The following PACS1 variants were observed in gnomAD, a reference collection of about 807,000 sequenced individuals.
The protein encoded by PACS1 is phosphofurin acidic cluster sorting protein 1.
PACS1 carries 24 observed loss-of-function variants against 115.0 expected under a neutral mutation model. That is an observed-to-expected ratio of 0.21 (90% CI 0.15 to 0.29). The LOEUF is 0.29. Ranked by LOEUF, PACS1 falls within the 10% of genes least tolerant of loss-of-function variation. The pLI, the probability that PACS1 is intolerant of heterozygous loss-of-function variation, is 1.00. For missense variants in PACS1, 838 were observed against 1,251.2 expected (o/e 0.67, Z 4.98); for synonymous variants, 453 against 504.5 (o/e 0.90, Z 1.37).
intron 1 of PACS1, among the ~76,000 whole-genome samples, chr11:66,085,244 T>C (rs772580655): frequency 1.3e-5 from 2 of 152,214 alleles, no homozygotes; most frequent in Non-Finnish European, 2.9e-5. Flanking sequence ...TCAGACAGCC[T>C]GTCTGCACTT....
rs891004528 is a variant in PACS1 at position 66,243,330 on chromosome 11, C to T, written c.*50C>T. 2.0e-5 allele frequency: 26 copies of T among 1,319,012 alleles called. No individual in the cohort carries two copies. The highest frequency in any genetic ancestry group is 7.5e-5 in the East Asian group (3 of 39,904). The allele number at this position is 1,319,012 out of a possible 1,614,324, so 81.7% of individuals were successfully genotyped here. ...CTCCTGGCACTGCCACCAGCCTCACCGCCTGCGGGCAGGGGGAGGCCAGCA... is the reference window on the plus strand; with the variant it reads ...CTCCTGGCACTGCCACCAGCCTCACTGCCTGCGGGCAGGGGGAGGCCAGCA... On this transcript the variant is annotated 3_prime_UTR_variant, in exon 24 of 24. Transcript: ENST00000320580.
At chr11:66,120,885 A>G (rs1006714306) in intron 1 of PACS1, 2 of 399,908 alleles carry the variant, frequency 5.0e-6, no homozygotes, top group African/African-American at 4.2e-5. Flanking sequence ...AGCCCAGTTC[A>G]AGGGACGTCT....
intron 22 of PACS1, 67 bp from the exon 23 acceptor site, chr11:66,242,845 G>A (rs1328942838): frequency 5.0e-6 from 8 of 1,604,120 alleles, no homozygotes; most frequent in Non-Finnish European, 6.8e-6. Context: ...GGGACAGTCG[G>A]CTGGGGAGGA....
chr11:66,114,577 A>ATAT (rs1858262889), intron 1 of PACS1, among the ~76,000 whole-genome samples: 1 of 152,138 alleles, frequency 6.6e-6, no homozygotes, highest in Admixed American at 6.5e-5. Flanking sequence ...TTTCACTCTA[A>ATAT]TAGTCAAAAA....
At chr11:66,185,926 A>G (rs1854353012) in intron 1 of PACS1, among the ~76,000 whole-genome samples, 3 of 152,126 alleles carry the variant, frequency 2.0e-5, no homozygotes, top group Non-Finnish European at 4.4e-5. Context: ...ACCTGCATAC[A>G]CAACAGAAAA....
intron 1 of PACS1, among the ~76,000 whole-genome samples, chr11:66,084,517 G>GAGT (rs1488241283): frequency 2.0e-5 from 3 of 151,974 alleles, no homozygotes; most frequent in Non-Finnish European, 4.4e-5. Flanking sequence ...TGGAAGCAGG[G>GAGT]AGTCCGGTCA....
intron 1 of PACS1, among the ~76,000 whole-genome samples, chr11:66,164,263 C>G (rs963593870): frequency 1.3e-5 from 2 of 151,980 alleles, no homozygotes; most frequent in African/African-American, 4.8e-5. Flanking sequence ...TTTTTCAGTT[C>G]ATCACTCAAG....
chr11:66,122,758 G>A (rs1858473167), intron 1 of PACS1, among the ~76,000 whole-genome samples: 1 of 152,176 alleles, frequency 6.6e-6, no homozygotes, highest in Non-Finnish European at 1.5e-5. Context: ...CTGTAATCTC[G>A]AGATAAAATT....
At chr11:66,158,301 G>A (rs1859406019) in intron 1 of PACS1, among the ~76,000 whole-genome samples, 1 of 152,204 alleles carries the variant, frequency 6.6e-6, no homozygotes, top group African/African-American at 2.4e-5. Flanking sequence ...TTAGAGATAA[G>A]ATGTTACATC....
chr11:66,205,704 G>C (rs1479776321), intron 2 of PACS1, among the ~76,000 whole-genome samples: 1 of 146,516 alleles, frequency 6.8e-6, no homozygotes, highest in African/African-American at 2.6e-5. Context: ...ATGTTGCCCA[G>C]GCAGCTCTTA....
intron 1 of PACS1, among the ~76,000 whole-genome samples, chr11:66,155,474 C>T (rs1323470713): frequency 6.6e-6 from 1 of 152,050 alleles, no homozygotes; most frequent in Non-Finnish European, 1.5e-5. Context: ...AAAACAGTGG[C>T]CAGGAGCTAC....
chr11:66,144,726 C>T (rs147589953), intron 1 of PACS1, among the ~76,000 whole-genome samples: 222 of 152,270 alleles, frequency 1.5e-3, no homozygotes, highest in African/African-American at 4.2e-3. Context: ...CTCTGCCTCC[C>T]GGGTTCAAGC....
intron 7 of PACS1, 24 bp from the exon 8 acceptor site, chr11:66,219,722 C>A: frequency 1.9e-6 from 3 of 1,601,670 alleles, no homozygotes; most frequent in Non-Finnish European, 2.6e-6. Flanking sequence ...TTGCTGAGAA[C>A]TGTCATGCGA....
intron 11 of PACS1, among the ~76,000 whole-genome samples, chr11:66,229,436 A>C (rs1855536070): frequency 6.6e-6 from 1 of 151,816 alleles, no homozygotes; most frequent in Non-Finnish European, 1.5e-5. Context: ...GCGGTGGTTC[A>C]TGCCTGTAAT....
At position 66,136,327 on chromosome 11, in the gene PACS1, A is replaced by T. The variant is rs199946441; in HGVS notation, c.357-57159A>T. On this transcript the variant is annotated intron_variant, in intron 1 of 23. Transcript: ENST00000320580. ...CAGGACTGCCCAATCCCACTGTCAC[A>T]CACACACACACACACACACACACAC... Among the ~76,000 whole-genome samples the T allele has an allele frequency of 2.2e-4, 11 of 49,512 alleles. No individual in the cohort carries two copies. In the East Asian group the frequency reaches 6.6e-3, roughly 29 times the overall value. 32.5% of individuals were successfully genotyped at this position (49,512 alleles called of 152,430 possible). A position where few individuals can be genotyped will look rare whatever the true frequency, so the allele number is the denominator to read the frequency against.
At position 66,116,879 on chromosome 11, in the gene PACS1, G is replaced by T. The variant is rs964924100; in HGVS notation, c.356+46037G>T. On this transcript the variant is annotated intron_variant, in intron 1 of 23. Transcript: ENST00000320580. ...CACTCCAGCCTGGGTGACCAAGTGA[G>T]ACTCCATCTCAAAAACAAAAAAAAA... Among the ~76,000 whole-genome samples, 8 of 105,242 alleles carry T rather than the reference G, an allele frequency of 7.6e-5. 1 individual carries two copies. The highest frequency in any genetic ancestry group is 3.0e-4 in the African/African-American group (8 of 27,108). The allele number at this position is 105,242 out of a possible 152,430, so 69.0% of individuals were successfully genotyped here. A position where few individuals can be genotyped will look rare whatever the true frequency, so the allele number is the denominator to read the frequency against.
At chr11:66,097,682 C>G (rs1456464911) in intron 1 of PACS1, among the ~76,000 whole-genome samples, 3 of 152,186 alleles carry the variant, frequency 2.0e-5, no homozygotes, top group Non-Finnish European at 4.4e-5. Context: ...CAGTGGATAA[C>G]TAATACGAGC....
intron 1 of PACS1, among the ~76,000 whole-genome samples, chr11:66,119,222 CCTTT>C (rs1858387201): frequency 6.6e-6 from 1 of 152,172 alleles, no homozygotes; most frequent in Non-Finnish European, 1.5e-5. Flanking sequence ...ATAAGACATA[CCTTT>C]CTAAGTACTA....
chr11:66,172,907 C>T (rs1379889726), intron 1 of PACS1, among the ~76,000 whole-genome samples: 3 of 145,624 alleles, frequency 2.1e-5, no homozygotes, highest in Admixed American at 7.1e-5. Context: ...ACCCGGGAGG[C>T]GGAGGTTGTA....
Sources: gnomAD v4.1 joint callset for allele counts (sites outside exome capture counted in the v4.1 genomes callset) on GRCh38, gnomAD v4.1.1 for gene constraint, MANE v1.5 for transcripts, NCBI Gene and HGNC (gene_info 2026-07-23, HGNC 2026-07-21) for gene names.